PATJ: variants seen among roughly 807,000 people sequenced by gnomAD.
PATJ encodes the protein PATJ crumbs cell polarity complex component.
In PATJ, 190 loss-of-function variants were observed where a neutral mutation model predicts 224.9. That is an observed-to-expected ratio of 0.84 (90% CI 0.75 to 0.95). The LOEUF (loss-of-function observed/expected upper bound fraction) is 0.95. Ranked by LOEUF, PATJ falls within the 40% of genes least tolerant of loss-of-function variation. The pLI is 0.00. For missense variants in PATJ, 2,121 were observed against 2,270.3 expected, an observed-to-expected ratio of 0.93 and a Z score of 1.34; for synonymous variants, 769 against 820.3, an observed-to-expected ratio of 0.94 and a Z score of 1.07.
At chr1:61,997,059 A>C (rs1039235055) in intron 28 of PATJ, among the ~76,000 whole-genome samples, 2 of 151,232 alleles carry the variant, frequency 1.3e-5, no homozygotes, top group South Asian at 2.1e-4. Context: ...GGTTCTAAAT[A>C]GCTAAAAGTG....
At chr1:61,955,445 G>A (rs1557938540) in intron 27 of PATJ, among the ~76,000 whole-genome samples, 2 of 152,294 alleles carry the variant, frequency 1.3e-5, no homozygotes, top group East Asian at 3.9e-4. Flanking sequence ...CCAAGCTCCA[G>A]ACTTGTGAGT....
chr1:61,833,090 G>A (rs1330305792), intron 16 of PATJ, among the ~76,000 whole-genome samples: 2 of 151,982 alleles, frequency 1.3e-5, no homozygotes, highest in Non-Finnish European at 2.9e-5. Context: ...ATTCATTTTA[G>A]ACTTAAATGA....
intron 31 of PATJ, chr1:62,054,423 G>T: frequency 2.9e-6 from 1 of 343,402 alleles, no homozygotes; most frequent in Non-Finnish European, 5.9e-6. Flanking sequence ...ATACTCCAGT[G>T]CTATTTTCAG....
intron 27 of PATJ, among the ~76,000 whole-genome samples, chr1:61,969,690 GT>G (rs1364796192): frequency 6.6e-6 from 1 of 152,044 alleles, no homozygotes; most frequent in African/African-American, 2.4e-5. Context: ...TGTTTTGATT[GT>G]GTACTTTGTT....
intron 41 of PATJ, among the ~76,000 whole-genome samples, chr1:62,130,323 G>A (rs2148952270): frequency 6.6e-6 from 1 of 152,288 alleles, no homozygotes; most frequent in East Asian, 1.9e-4. Flanking sequence ...AGCAGAGTGA[G>A]ACCCTGGCTC....
intron 32 of PATJ, among the ~76,000 whole-genome samples, chr1:62,082,180 A>G (rs974274242): frequency 6.6e-6 from 1 of 152,054 alleles, no homozygotes; most frequent in Non-Finnish European, 1.5e-5. Context: ...GCCATAGGCT[A>G]CTTCTAAATA....
chr1:61,937,344 C>T (rs189140555), intron 27 of PATJ, among the ~76,000 whole-genome samples: 34 of 152,108 alleles, frequency 2.2e-4, no homozygotes, highest in African/African-American at 3.1e-4. Flanking sequence ...GCAATCTTCC[C>T]GCCTCAGCCT....
chr1:61,901,341 CTG>C lies in PATJ; in HGVS notation c.3265_3266del (p.Val1089TyrfsTer11). ...GGGATCAGTATTGTTGGTGGACAAA[CTG>C]TTATAAAACGTCTAAAGAATGGAGA... On this transcript the variant is annotated frameshift_variant, in exon 24 of 44. Transcript: ENST00000642238. LOFTEE classifies it high-confidence loss of function. 1.3e-6 allele frequency: 2 copies of C among 1,581,382 alleles called. No individual in the cohort carries two copies. Among genetic ancestry groups the C allele is most frequent in the African/African-American group, 1.4e-5 (1 of 72,742 alleles).
chr1:61,944,516 A>G (rs959721646), intron 27 of PATJ, among the ~76,000 whole-genome samples: 1 of 152,218 alleles, frequency 6.6e-6, no homozygotes, highest in East Asian at 1.9e-4. Flanking sequence ...GGAGAAGAGA[A>G]GCTTAGAGAA....
chr1:61,972,312 C>T (rs1683093016), intron 27 of PATJ, among the ~76,000 whole-genome samples: 1 of 151,942 alleles, frequency 6.6e-6, no homozygotes, highest in Non-Finnish European at 1.5e-5. Context: ...TGTTGGTGTA[C>T]AAAAAGTTGC....
At chr1:61,902,538 C>T (rs1170683025) in intron 24 of PATJ, among the ~76,000 whole-genome samples, 1 of 151,968 alleles carries the variant, frequency 6.6e-6, no homozygotes, top group Non-Finnish European at 1.5e-5. Flanking sequence ...AATTCAAAAT[C>T]GATAGCATTA....
chr1:62,112,962 C>A (rs1664029457), intron 34 of PATJ, among the ~76,000 whole-genome samples: 1 of 152,180 alleles, frequency 6.6e-6, no homozygotes, highest in African/African-American at 2.4e-5. Flanking sequence ...GTCCCTAAAC[C>A]TCTGTGTGCC....
Position 62,125,260 on chromosome 1 carries a change from AAAAC to A in PATJ, c.5043+2206_5043+2209del, listed in dbSNP as rs1237194121. On this transcript the variant is annotated intron_variant, in intron 39 of 43. Transcript: ENST00000642238. ...TCAAAAAAAAAAAAAAAAACAAAAA[AAAAC>A]AAAAAAAAAACGCCATTAGCTCTAT... is the stretch of plus-strand genomic sequence containing the variant. 5.4e-3 allele frequency among the ~76,000 whole-genome samples: 590 copies of A among 108,768 alleles called. 91 individuals carry two copies. Among genetic ancestry groups the A allele is most frequent in the African/African-American group, 0.019 (519 of 26,956 alleles). The allele number at this position is 108,768 out of a possible 152,430, so 71.4% of individuals were successfully genotyped here.
At chr1:61,959,075 G>A (rs1369392853) in intron 27 of PATJ, among the ~76,000 whole-genome samples, 1 of 151,940 alleles carries the variant, frequency 6.6e-6, no homozygotes, top group African/African-American at 2.4e-5. Context: ...GGAGGAGGAG[G>A]TTATCTTTAT....
At chr1:62,128,986 A>G (rs1290369000) in intron 41 of PATJ, 41 bp downstream of exon 41, 3 of 1,350,448 alleles carry the variant, frequency 2.2e-6, no homozygotes, top group African/African-American at 1.4e-5. Flanking sequence ...CAAGGCAGAT[A>G]AGTGGCATGC....
At chr1:61,899,481 A>ATT (rs1670824170) in intron 22 of PATJ, 102 bp from the exon 23 acceptor site, 1 of 645,952 alleles carries the variant, frequency 1.5e-6, no homozygotes, top group Non-Finnish European at 2.5e-6. Context: ...ATTGAGAATC[A>ATT]TTTAACTACC....
At chr1:61,776,089 G>A (rs1398322902) in intron 7 of PATJ, among the ~76,000 whole-genome samples, 3 of 152,194 alleles carry the variant, frequency 2.0e-5, no homozygotes, top group African/African-American at 7.2e-5. Flanking sequence ...CCATGCAAAT[G>A]CAGCTTCAAG....
intron 33 of PATJ, among the ~76,000 whole-genome samples, chr1:62,088,997 A>G (rs1362373068): frequency 6.6e-6 from 1 of 151,982 alleles, no homozygotes; most frequent in East Asian, 1.9e-4. Context: ...AATCCTGGGA[A>G]GTTACAGTTT....
intron 41 of PATJ, among the ~76,000 whole-genome samples, chr1:62,134,194 G>A (rs945540800): frequency 1.4e-5 from 2 of 145,270 alleles, no homozygotes; most frequent in Admixed American, 7.0e-5. Flanking sequence ...CCTTCTCACC[G>A]TACTCTCGTC....
Sources: allele counts gnomAD v4.1 joint callset (sites outside exome capture counted in the v4.1 genomes callset), GRCh38; gene constraint gnomAD v4.1.1; transcripts MANE v1.5; gene names NCBI Gene and HGNC (gene_info 2026-07-23, HGNC 2026-07-21).